Variants in MAML1 observed in about 807,000 individuals in gnomAD.
The protein encoded by MAML1 is mastermind like transcriptional coactivator 1.
A neutral mutation model predicts 77.1 loss-of-function variants in MAML1; 14 were observed. That is an observed-to-expected ratio of 0.18 (90% confidence interval 0.12 to 0.28). The LOEUF (loss-of-function observed/expected upper bound fraction) is 0.28, where lower values mean the gene tolerates loss of function less well. MAML1 is among the 10% of genes least tolerant of loss of function. The pLI, the probability that MAML1 is intolerant of heterozygous loss-of-function variation, is 1.00. For synonymous variants in MAML1, 516 were observed against 551.9 expected (o/e 0.93, Z 0.91); for missense variants, 1,217 against 1,327.8 (o/e 0.92, Z 1.30).
At chr5:179,764,423 G>T (rs946561975) in intron 1 of MAML1, among the ~76,000 whole-genome samples, 1 of 152,144 alleles carries the variant, frequency 6.6e-6, no homozygotes, top group Non-Finnish European at 1.5e-5. Context: ...CCCTTTGGGA[G>T]ACTGAGGTGG....
intron 1 of MAML1, among the ~76,000 whole-genome samples, chr5:179,749,661 A>T (rs1052684056): frequency 7.2e-5 from 11 of 152,240 alleles, no homozygotes; most frequent in Admixed American, 4.6e-4. Context: ...AGAGTAAGAC[A>T]CAGATACAGC....
intron 1 of MAML1, among the ~76,000 whole-genome samples, chr5:179,743,461 G>T (rs1449568914): frequency 1.3e-5 from 2 of 148,292 alleles, no homozygotes; most frequent in Non-Finnish European, 3.0e-5. Flanking sequence ...CCACCTCCCA[G>T]GTTCACGCCA....
At chr5:179,733,959 A>T (rs114259456) in intron 1 of MAML1, among the ~76,000 whole-genome samples, 2 of 152,242 alleles carry the variant, frequency 1.3e-5, no homozygotes, top group South Asian at 2.1e-4. Flanking sequence ...AAAATGTTCA[A>T]TGAGTTGCAT....
intron 1 of MAML1, among the ~76,000 whole-genome samples, chr5:179,735,733 G>T (rs952990376): frequency 2.0e-5 from 3 of 151,022 alleles, no homozygotes; most frequent in Admixed American, 6.6e-5. Flanking sequence ...TGTCACCCAG[G>T]CTGGAGTGTA....
intron 1 of MAML1, among the ~76,000 whole-genome samples, chr5:179,762,937 C>T (rs1779749119): frequency 6.6e-6 from 1 of 152,216 alleles, no homozygotes; most frequent in African/African-American, 2.4e-5. Context: ...TCAGTTGTTA[C>T]ATTGGAACTT....
At chr5:179,759,521 T>C (rs533856705) in intron 1 of MAML1, among the ~76,000 whole-genome samples, 1 of 152,348 alleles carries the variant, frequency 6.6e-6, no homozygotes, top group Admixed American at 6.5e-5. Flanking sequence ...AGATTTGTGC[T>C]TTATCAAATT....
chr5:179,733,610 G>T (rs562584452), intron 1 of MAML1, among the ~76,000 whole-genome samples, 183 bp downstream of exon 1: 24 of 152,370 alleles, frequency 1.6e-4, no homozygotes, highest in African/African-American at 5.8e-4. Context: ...TGGCACGGTG[G>T]CGTTACTTTG....
chr5:179,759,967 C>T (rs1403633195), intron 1 of MAML1, among the ~76,000 whole-genome samples: 7 of 151,990 alleles, frequency 4.6e-5, no homozygotes, highest in Non-Finnish European at 7.4e-5. Context: ...TAAGGAGGAG[C>T]GGGAGGGAGG....
chr5:179,733,840 C>G (rs2113325265), intron 1 of MAML1, among the ~76,000 whole-genome samples: 1 of 152,336 alleles, frequency 6.6e-6, no homozygotes, highest in East Asian at 1.9e-4. Context: ...TTTACAAGAT[C>G]CTGTGCTGTG....
At position 179,766,285 on chromosome 5, in the gene MAML1, C is replaced by T. The variant is rs752936680; in HGVS notation, c.1275C>T (p.Gly425=). The change falls in exon 2 of 5, where the codon GGC becomes GGT. Residue 425 remains glycine (G), a synonymous_variant. Coordinates refer to ENST00000292599, the MANE Select transcript of MAML1 (RefSeq NM_014757.5). This position sits in a 1 kb window ranked among gnomAD's most constrained non-coding sequence, Gnocchi z 4.0. ...AGGCCACCCCGGCACCAGCCCCGGG[C>T]CAGATGTCCACATGGCAGCAGACGG... ...PQQATPAPAP[G]QMSTWQQTGP... 7 of 1,613,782 alleles carry T rather than the reference C, an allele frequency of 4.3e-6. No individual in the cohort carries two copies. The highest frequency in any genetic ancestry group is 8.5e-7 in the Non-Finnish European group (1 of 1,179,838).
In MAML1 at chr5:179,774,387, A is replaced by C. The variant is rs1032456819; in HGVS notation, c.2561A>C (p.Asn854Thr). 1.9e-6 allele frequency: 3 copies of C among 1,613,044 alleles called. No individual in the cohort carries two copies. The African/African-American group carries it at 4.0e-5, about 22-fold the overall frequency. Residue 854 changes from asparagine (N) to threonine (T), a missense_variant, in exon 5 of 5, where the codon AAC becomes ACC. Around this residue, in one of 3 missense-constraint regions of MAML1, gnomAD observed 884 missense variants for 949.3 expected, o/e 0.93. Transcript: ENST00000292599. ...AACCTCAGTGGCCAGACCCCAGGGA[A>C]CAGCAACGTGAGTCCCTTCACTGCA... is the stretch of plus-strand genomic sequence containing the variant. ...MPNLSGQTPG[N>T]SNVSPFTAAS...
intron 2 of MAML1, among the ~76,000 whole-genome samples, chr5:179,768,254 C>T (rs961492460): frequency 6.6e-6 from 1 of 152,084 alleles, no homozygotes; most frequent in African/African-American, 2.4e-5. Context: ...GTCGGGAGTT[C>T]GAGACCAGCG....
At chr5:179,738,476 TC>T (rs1779217128) in intron 1 of MAML1, among the ~76,000 whole-genome samples, 1 of 152,198 alleles carries the variant, frequency 6.6e-6, no homozygotes, top group Non-Finnish European at 1.5e-5. Flanking sequence ...CTTTAGGATC[TC>T]ATTTCTTCCT....
At chr5:179,742,403 C>T (rs1308386097) in intron 1 of MAML1, among the ~76,000 whole-genome samples, 2 of 151,520 alleles carry the variant, frequency 1.3e-5, no homozygotes, top group African/African-American at 4.8e-5. Context: ...GCAGGGGAAT[C>T]CCTAGAACCT....
At chr5:179,734,262 T>A (rs944779912) in intron 1 of MAML1, among the ~76,000 whole-genome samples, 3 of 152,234 alleles carry the variant, frequency 2.0e-5, no homozygotes, top group Non-Finnish European at 4.4e-5. Flanking sequence ...ATTTTTAAAT[T>A]CATACCTTTA....
In MAML1 at chr5:179,766,034, G is replaced by C; in HGVS notation, c.1024G>C (p.Gly342Arg). ...APVSTDSPSL[G>R]GSQTLFHTSG... is the part of the protein sequence containing the mutation. ...TGTGAGTACAGATTCCCCCAGCCTA[G>C]GGGGCTCCCAAACCTTATTCCACAC... The change falls in exon 2 of 5, where the codon GGG (glycine) becomes CGG (arginine). Residue 342 changes from glycine to arginine, a missense_variant. By Grantham distance (125) the Gly-to-Arg change is moderately radical. This residue lies in a region of MAML1 where 884 missense variants were observed against 949.3 expected (regional missense o/e 0.93). Coordinates refer to ENST00000292599, the MANE Select transcript of MAML1 (RefSeq NM_014757.5). The surrounding 1 kb of genome is among the most constrained non-coding windows in gnomAD (Gnocchi z 4.0). 6.3e-7 allele frequency: 1 copy of C among 1,593,724 alleles called. No homozygotes were observed. The highest frequency in any genetic ancestry group is 8.5e-7 in the Non-Finnish European group (1 of 1,171,642).
intron 1 of MAML1, among the ~76,000 whole-genome samples, chr5:179,762,397 G>A (rs1000178089): frequency 3.3e-5 from 5 of 152,052 alleles, no homozygotes; most frequent in African/African-American, 9.7e-5. Flanking sequence ...GCCTCCCAGC[G>A]AGGGAGCTGG....
rs776998499 is a variant in MAML1 at position 179,766,263 on chromosome 5, C to T, written c.1253C>T (p.Ala418Val). ...CAGATGCTCCAGAACCCACAGCAGG[C>T]CACCCCGGCACCAGCCCCGGGCCAG... ...REQMLQNPQQ[A>V]TPAPAPGQMS... is the part of the protein sequence containing the mutation. The change falls in exon 2 of 5, where the codon GCC (alanine) becomes GTC (valine). Residue 418 changes from alanine (A) to valine (V), a missense_variant. By Grantham distance (64) the Ala-to-Val change is moderately conservative (BLOSUM62 0). Coordinates refer to ENST00000292599, the MANE Select transcript of MAML1 (RefSeq NM_014757.5). This position sits in a 1 kb window ranked among gnomAD's most constrained non-coding sequence, Gnocchi z 4.0. 7 of 1,613,826 alleles carry T rather than the reference C, an allele frequency of 4.3e-6. No individual in the cohort carries two copies. The highest frequency in any genetic ancestry group is 1.7e-5 in the Admixed American group (1 of 59,982).
intron 1 of MAML1, among the ~76,000 whole-genome samples, chr5:179,748,016 G>GGAT (rs1779414998): frequency 6.6e-6 from 1 of 151,970 alleles, no homozygotes; most frequent in Non-Finnish European, 1.5e-5. Context: ...AGTTGTTCAT[G>GGAT]GATATAACTA....
Sources: gnomAD v4.1 joint callset for allele counts (sites outside exome capture counted in the v4.1 genomes callset) on GRCh38, gnomAD v4.1.1 for gene constraint, gnomAD v4.1.1 regional missense constraint, Gnocchi (gnomAD v3.1) non-coding constraint, MANE v1.5 for transcripts, NCBI Gene and HGNC (gene_info 2026-07-23, HGNC 2026-07-21) for gene names.